The following ROBO2 variants were observed in gnomAD, a reference collection of about 807,000 sequenced individuals.
ROBO2 encodes roundabout guidance receptor 2, also known as roundabout homolog 2.
Under a neutral mutation model 160.8 loss-of-function variants are expected in ROBO2, and 53 were observed. The ratio of observed to expected loss-of-function variants is 0.33; its 90% confidence interval spans 0.26 to 0.41. The LOEUF (loss-of-function observed/expected upper bound fraction) is 0.41, where lower values mean the gene tolerates loss of function less well. Among genes scored for constraint, ROBO2 ranks in the 10% least tolerant of loss-of-function variants. The probability of loss-of-function intolerance (pLI) is 1.00; values close to 1 mark genes in which losing one functional copy is unlikely to be tolerated. For synonymous variants in ROBO2, 664 were observed against 611.7 expected, an observed-to-expected ratio of 1.09 and a Z score of -1.26; for missense variants, 1,577 against 1,722.4, an observed-to-expected ratio of 0.92 and a Z score of 1.49.
chr3:77,111,445 C>T (rs181228477), intron 2 of ROBO2, among the ~76,000 whole-genome samples: 9 of 152,158 alleles, frequency 5.9e-5, no homozygotes, highest in Admixed American at 4.6e-4. Flanking sequence ...GGAACTGAAT[C>T]GTTCTTTGGA....
In ROBO2 at chr3:77,531,998, A is replaced by G. The variant is rs111953209; in HGVS notation, c.934+9096A>G. On this transcript the variant is annotated intron_variant, in intron 6 of 25. Coordinates refer to ENST00000461745, the Ensembl canonical transcript of ROBO2. ...CTCCATATGTTTTGATTAAATGGTAAGTTTAAAAAAGGCATTCTGTTTTAT... is the reference window on the plus strand; with the variant it reads ...CTCCATATGTTTTGATTAAATGGTAGGTTTAAAAAAGGCATTCTGTTTTAT... 5.9e-5 allele frequency among the ~76,000 whole-genome samples: 9 copies of G among 152,264 alleles called. 1 individual carries two copies. The highest frequency in any genetic ancestry group is 1.7e-4 in the African/African-American group (7 of 41,562).
At chr3:76,500,244 A>C (rs1367571228) in intron 2 of ROBO2, among the ~76,000 whole-genome samples, 1 of 151,998 alleles carries the variant, frequency 6.6e-6, no homozygotes, top group Non-Finnish European at 1.5e-5. Context: ...TCAGCCTCCT[A>C]AGTAGCTGAC....
intron 2 of ROBO2, among the ~76,000 whole-genome samples, chr3:77,377,570 G>A (rs1331165353): frequency 6.6e-6 from 1 of 151,918 alleles, no homozygotes; most frequent in South Asian, 2.1e-4. Context: ...TTCATTTATG[G>A]GATACAAATC....
intron 5 of ROBO2, among the ~76,000 whole-genome samples, chr3:77,522,514 G>A (rs1025425473): frequency 6.6e-6 from 1 of 151,234 alleles, no homozygotes; most frequent in East Asian, 2.0e-4. Context: ...TGCTAATTAT[G>A]CCTTTGATAG....
At chr3:76,076,875 T>A (rs181530759) in intron 2 of ROBO2, among the ~76,000 whole-genome samples, 1 of 152,236 alleles carries the variant, frequency 6.6e-6, no homozygotes, top group South Asian at 2.1e-4. Context: ...CTTTAACTGT[T>A]GTACTGTCGA....
At chr3:76,490,815 A>G (rs1194873485) in intron 2 of ROBO2, among the ~76,000 whole-genome samples, 2 of 152,198 alleles carry the variant, frequency 1.3e-5, no homozygotes, top group African/African-American at 2.4e-5. Context: ...TGTAGTCCAC[A>G]TTTTTATTTA....
chr3:77,432,752 A>G (rs2078906886), intron 2 of ROBO2, among the ~76,000 whole-genome samples: 1 of 152,124 alleles, frequency 6.6e-6, no homozygotes, highest in South Asian at 2.1e-4. Flanking sequence ...TGACCTGTGA[A>G]GTTTATTCAG....
intron 2 of ROBO2, among the ~76,000 whole-genome samples, chr3:76,376,685 A>G (rs755275055): frequency 2.4e-4 from 37 of 152,100 alleles, no homozygotes; most frequent in Non-Finnish European, 8.8e-5. Flanking sequence ...AGGTGATGCA[A>G]CTCAAATCTG....
chr3:77,585,846 A>G (rs1020992978), intron 16 of ROBO2, among the ~76,000 whole-genome samples: 5 of 152,000 alleles, frequency 3.3e-5, no homozygotes, highest in African/African-American at 1.2e-4. Context: ...TTCTGTTTCA[A>G]TTTACACTTT....
chr3:75,962,393 G>T (rs1948948989), intron 2 of ROBO2, among the ~76,000 whole-genome samples: 2 of 151,808 alleles, frequency 1.3e-5, no homozygotes. Context: ...TCAATGGAAA[G>T]AATATGACCA....
At chr3:76,783,885 A>G (rs1184862098) in intron 2 of ROBO2, among the ~76,000 whole-genome samples, 2 of 151,110 alleles carry the variant, frequency 1.3e-5, no homozygotes, top group East Asian at 2.0e-4. Flanking sequence ...TTTCATACAT[A>G]TCATCAGCTT....
At chr3:76,760,482 G>C (rs2061242559) in intron 2 of ROBO2, among the ~76,000 whole-genome samples, 1 of 151,622 alleles carries the variant, frequency 6.6e-6, no homozygotes, top group Non-Finnish European at 1.5e-5. Context: ...TGAGTTTCTG[G>C]CTTCAAGAAA....
Position 77,063,782 on chromosome 3 carries a change from G to A in ROBO2, c.61+22936G>A, listed in dbSNP as rs1261287113. Reference sequence around the variant, plus strand: ...CTCTTCTTTCTCTCTGCCTATTCTAGACTCAGCCAAAACTACTGGTTTCCA... The same window carrying A: ...CTCTTCTTTCTCTCTGCCTATTCTAAACTCAGCCAAAACTACTGGTTTCCA... On this transcript the variant is annotated intron_variant, in intron 1 of 25. Coordinates refer to ENST00000461745, the Ensembl canonical transcript of ROBO2. Among the ~76,000 whole-genome samples the A allele has an allele frequency of 9.2e-5, 14 of 152,228 alleles. No individual in the cohort carries two copies. The South Asian group carries it at 1.2e-3, about 14-fold the overall frequency.
At chr3:77,219,434 G>GTA (rs369099644) in intron 2 of ROBO2, among the ~76,000 whole-genome samples, 10,448 of 115,048 alleles carry the variant, frequency 0.091, 698 homozygotes, top group African/African-American at 0.19. Flanking sequence ...GTATGTGTGT[G>GTA]TATATATATA....
At chr3:76,335,222 C>T in intron 2 of ROBO2, among the ~76,000 whole-genome samples, 1 of 137,132 alleles carries the variant, frequency 7.3e-6, no homozygotes, top group Admixed American at 7.9e-5. Context: ...CTCTCTGGTG[C>T]CCAGGCTGGA....
At chr3:76,313,602 G>GT (rs1399814368) in intron 2 of ROBO2, among the ~76,000 whole-genome samples, 1 of 136,102 alleles carries the variant, frequency 7.3e-6, no homozygotes, top group African/African-American at 2.8e-5. Context: ...CATTTTAAAG[G>GT]TTACTTTACT....
chr3:76,111,173 TAGG>T (rs1396543190), intron 2 of ROBO2, among the ~76,000 whole-genome samples: 2 of 151,888 alleles, frequency 1.3e-5, no homozygotes, highest in African/African-American at 2.4e-5. Context: ...ATTATATTAA[TAGG>T]AGGAACATGA....
chr3:77,156,485 A>G (rs1190101918), intron 2 of ROBO2, among the ~76,000 whole-genome samples: 1 of 152,020 alleles, frequency 6.6e-6, no homozygotes, highest in Non-Finnish European at 1.5e-5. Flanking sequence ...TATGAGTTAA[A>G]CCAATTGTCA....
At chr3:76,391,931 C>A (rs2077173291) in intron 2 of ROBO2, among the ~76,000 whole-genome samples, 1 of 152,214 alleles carries the variant, frequency 6.6e-6, no homozygotes, top group East Asian at 1.9e-4. Flanking sequence ...AAAACAAGAT[C>A]TGTTAGGAAG....
Sources: gnomAD v4.1 joint callset for allele counts (sites outside exome capture counted in the v4.1 genomes callset) on GRCh38, gnomAD v4.1.1 for gene constraint, MANE v1.5 for transcripts, NCBI Gene and HGNC (gene_info 2026-07-23, HGNC 2026-07-21) for gene names.